SH3BGRL2: variants seen among roughly 807,000 people sequenced by gnomAD.
The protein encoded by SH3BGRL2 is SH3 domain-binding glutamic acid-rich-like protein 2.
SH3BGRL2 carries 21 observed loss-of-function variants against 14.8 expected under a neutral mutation model. The observed-to-expected ratio is 1.42, with a 90% CI of 1.01 to 2.05. The LOEUF is 2.05. Among genes scored for constraint, SH3BGRL2 ranks in the 30% most tolerant of loss-of-function variants. The probability of loss-of-function intolerance (pLI) is 0.00; values close to 1 mark genes in which losing one functional copy is unlikely to be tolerated. For synonymous variants in SH3BGRL2, 50 were observed against 47.8 expected, an observed-to-expected ratio of 1.05 and a Z score of -0.19; for missense variants, 147 against 130.8, an observed-to-expected ratio of 1.12 and a Z score of -0.61.
At position 79,631,523 on chromosome 6, in the gene SH3BGRL2, CG is replaced by C; in HGVS notation, c.45+20del. ...TTCGTGGCGGTGAGCGCGGTGGGGG[CG>C]GGCAGTAGGTTGGGGTCGCGGGGCG... On this transcript the variant is annotated intron_variant, in intron 1 of 3. Coordinates refer to ENST00000369838, the MANE Select transcript of SH3BGRL2 (RefSeq NM_031469.4). The C allele has an allele frequency of 6.9e-7, 1 of 1,444,662 alleles. No homozygotes were observed. Among genetic ancestry groups the C allele is most frequent in the Non-Finnish European group, 9.2e-7 (1 of 1,091,686 alleles). The allele number at this position is 1,444,662 out of a possible 1,614,324, so 89.5% of individuals were successfully genotyped here. A position where few individuals can be genotyped will look rare whatever the true frequency, so the allele number is the denominator to read the frequency against.
At chr6:79,615,340 G>A in the SH3BGRL2 span, among the ~76,000 whole-genome samples, 1 of 152,070 alleles carries the variant, frequency 6.6e-6, no homozygotes, top group Non-Finnish European at 1.5e-5. Flanking sequence ...GATATTGTTC[G>A]AAAAAAATAA....
chr6:79,673,297 G>A (rs1266548476), intron 1 of SH3BGRL2, among the ~76,000 whole-genome samples: 1 of 152,016 alleles, frequency 6.6e-6, no homozygotes, highest in African/African-American at 2.4e-5. Flanking sequence ...GTTAGTGGCC[G>A]GGTGCAGTGG....
At chr6:79,651,543 T>C (rs757630842) in intron 1 of SH3BGRL2, among the ~76,000 whole-genome samples, 1 of 152,080 alleles carries the variant, frequency 6.6e-6, no homozygotes, top group Non-Finnish European at 1.5e-5. Flanking sequence ...AGACTAAAAG[T>C]AGTTTGTTAT....
chr6:79,689,164 A>T (rs1052538565), intron 2 of SH3BGRL2, among the ~76,000 whole-genome samples: 18 of 152,154 alleles, frequency 1.2e-4, no homozygotes, highest in Admixed American at 6.6e-4. Flanking sequence ...TCTTTAAATC[A>T]TTCTCTTTTT....
At chr6:79,547,306 G>T in the SH3BGRL2 span, among the ~76,000 whole-genome samples, 1 of 152,086 alleles carries the variant, frequency 6.6e-6, no homozygotes, top group Non-Finnish European at 1.5e-5. Context: ...CTGCTGGGTA[G>T]TAAAGAGCAC....
intron 1 of SH3BGRL2, among the ~76,000 whole-genome samples, chr6:79,649,030 A>G (rs771707729): frequency 1.3e-5 from 2 of 152,184 alleles, no homozygotes; most frequent in African/African-American, 2.4e-5. Context: ...TACATTCTTC[A>G]TGGCAGAGGG....
intron 3 of SH3BGRL2, among the ~76,000 whole-genome samples, chr6:79,698,170 G>C (rs1770372008): frequency 6.6e-6 from 1 of 152,144 alleles, no homozygotes; most frequent in South Asian, 2.1e-4. Flanking sequence ...TACCTGGACA[G>C]GAGTATCTGG....
the SH3BGRL2 span, among the ~76,000 whole-genome samples, chr6:79,625,117 G>A: frequency 6.6e-6 from 1 of 152,036 alleles, no homozygotes; most frequent in South Asian, 2.1e-4. Context: ...AGGCTGTAGT[G>A]AGCCGTGATC....
At chr6:79,555,324 C>T in the SH3BGRL2 span, among the ~76,000 whole-genome samples, 1 of 151,968 alleles carries the variant, frequency 6.6e-6, no homozygotes, top group Non-Finnish European at 1.5e-5. Flanking sequence ...GTGTTGGGCA[C>T]CTGTAATTCC....
the SH3BGRL2 span, among the ~76,000 whole-genome samples, chr6:79,614,457 AC>A: frequency 6.6e-6 from 1 of 152,112 alleles, no homozygotes. Flanking sequence ...TACACTGCGG[AC>A]CCTGCTGGGA....
rs917852805 is a variant in SH3BGRL2 at position 79,676,517 on chromosome 6, A to G, written c.231+2718A>G. Among the ~76,000 whole-genome samples, 7 of 151,520 alleles carry G rather than the reference A, an allele frequency of 4.6e-5. No individual in the cohort carries two copies. In the East Asian group the frequency reaches 1.4e-3, roughly 29 times the overall value. On this transcript the variant is annotated intron_variant, in intron 2 of 3. Coordinates refer to ENST00000369838, the MANE Select transcript of SH3BGRL2 (RefSeq NM_031469.4). The stretch of plus-strand genomic sequence containing the variant: ...GAGTTTTGACCATTCTCTTTTTTCT[A>G]AGATCTTTCACCATTTCTCTTCCCA...
the SH3BGRL2 span, among the ~76,000 whole-genome samples, chr6:79,543,764 T>G: frequency 6.6e-6 from 1 of 152,218 alleles, no homozygotes; most frequent in Admixed American, 6.5e-5. Context: ...CATCAGTATA[T>G]TGGTGTTTGA....
At chr6:79,564,377 T>G in the SH3BGRL2 span, among the ~76,000 whole-genome samples, 2 of 146,224 alleles carry the variant, frequency 1.4e-5, no homozygotes, top group Non-Finnish European at 3.0e-5. Context: ...TTTTATTCTA[T>G]TTTTAGATTT....
the SH3BGRL2 span, among the ~76,000 whole-genome samples, chr6:79,613,078 C>G: frequency 6.6e-6 from 1 of 152,206 alleles, no homozygotes; most frequent in East Asian, 1.9e-4. Flanking sequence ...CTGGGACCTT[C>G]ATTCCCTGAG....
chr6:79,648,279 TATATTTGACATATATTATATATA>T (rs1769187177), intron 1 of SH3BGRL2, among the ~76,000 whole-genome samples: 3 of 117,176 alleles, frequency 2.6e-5, no homozygotes, highest in Non-Finnish European at 5.2e-5. Flanking sequence ...TATATATATA[TATATTTGACATATATTATATATA>T]ATATATATAT....
chr6:79,645,131 CCAGA>C (rs1329217749), intron 1 of SH3BGRL2, among the ~76,000 whole-genome samples: 1 of 140,568 alleles, frequency 7.1e-6, no homozygotes, highest in East Asian at 2.1e-4. Context: ...CCACTGCACT[CCAGA>C]CAGAGTGAGA....
intron 1 of SH3BGRL2, among the ~76,000 whole-genome samples, chr6:79,663,057 T>C (rs543443623): frequency 1.3e-5 from 2 of 152,326 alleles, no homozygotes; most frequent in African/African-American, 4.8e-5. Context: ...CTAACCTTTT[T>C]TCAAGGTTTT....
intron 1 of SH3BGRL2, among the ~76,000 whole-genome samples, chr6:79,634,037 G>C (rs1451386975): frequency 6.6e-6 from 1 of 152,208 alleles, no homozygotes; most frequent in Non-Finnish European, 1.5e-5. Flanking sequence ...TGATTCTTGA[G>C]TCAGTTTGGT....
the SH3BGRL2 span, among the ~76,000 whole-genome samples, chr6:79,589,801 G>T: frequency 1.0e-3 from 159 of 152,270 alleles, 1 homozygote; most frequent in Non-Finnish European, 8.4e-4. Flanking sequence ...TTGGGACAGG[G>T]TCTTGCTCTG....
Sources: allele counts gnomAD v4.1 joint callset (sites outside exome capture counted in the v4.1 genomes callset), GRCh38; gene constraint gnomAD v4.1.1; transcripts MANE v1.5; gene names NCBI Gene and HGNC (gene_info 2026-07-23, HGNC 2026-07-21).